The following SERPINB1 variants were observed in gnomAD, a reference collection of about 807,000 sequenced individuals.
The protein encoded by SERPINB1 is leukocyte elastase inhibitor.
SERPINB1 carries 23 observed loss-of-function variants against 25.9 expected under a neutral mutation model. The ratio of observed to expected loss-of-function variants is 0.89; its 90% CI spans 0.64 to 1.26. SERPINB1 has a LOEUF of 1.26. Ranked by LOEUF, SERPINB1 falls within the 50% of genes most tolerant of loss-of-function variation. SERPINB1 has a pLI of 0.00. For missense variants in SERPINB1, 399 were observed against 463.6 expected, an observed-to-expected ratio of 0.86 and a Z score of 1.28; for synonymous variants, 178 against 178.7, an observed-to-expected ratio of 1.00 and a Z score of 0.03.
At position 2,837,788 on chromosome 6, in the gene SERPINB1, G is replaced by A. The variant is rs1169788506; in HGVS notation, c.424+94C>T. On this transcript the variant is annotated intron_variant, in intron 4 of 6. Transcript: ENST00000380739. This position sits in a 1 kb window ranked among gnomAD's most constrained non-coding sequence, Gnocchi z 4.3. ...CACGATGTGCGCCAGGACTGTGGGA[G>A]CTGGGGAGGGAATAACTGCAGGTAG... is the stretch of plus-strand genomic sequence containing the variant. 2 of 908,664 alleles carry A rather than the reference G, an allele frequency of 2.2e-6. No individual in the cohort carries two copies. The highest frequency in any genetic ancestry group is 2.2e-4 in the Middle Eastern group (1 of 4,530). 56.3% of individuals were successfully genotyped at this position (908,664 alleles called of 1,614,324 possible). A position where few individuals can be genotyped will look rare whatever the true frequency, so the allele number is the denominator to read the frequency against.
chr6:2,834,102 A>T, intron 6 of SERPINB1, 90 bp from the exon 7 acceptor site: 1 of 1,193,948 alleles, frequency 8.4e-7, no homozygotes, highest in Non-Finnish European at 1.2e-6. Flanking sequence ...GACCCATAAT[A>T]TCAGTTGCTA....
chr6:2,840,685 C>T (rs1766622810), intron 1 of SERPINB1, 91 bp from the exon 2 acceptor site: 1 of 1,286,992 alleles, frequency 7.8e-7, no homozygotes, highest in African/African-American at 1.5e-5. Context: ...TCAATTTCTG[C>T]CAACCGCCCT....
intron 3 of SERPINB1, among the ~76,000 whole-genome samples, chr6:2,838,297 A>T (rs1766552169): frequency 6.6e-6 from 1 of 152,204 alleles, no homozygotes; most frequent in African/African-American, 2.4e-5. Context: ...ACAAACACTG[A>T]TTGTACTCTT....
intron 2 of SERPINB1, 53 bp from the exon 3 acceptor site, chr6:2,838,739 T>G: frequency 7.2e-7 from 1 of 1,385,250 alleles, no homozygotes; most frequent in South Asian, 1.5e-5. Context: ...AACTATAAAG[T>G]GATTCCTTGG....
intron 4 of SERPINB1, 33 bp from the exon 5 acceptor site, chr6:2,836,283 C>T: frequency 6.4e-7 from 1 of 1,570,562 alleles, no homozygotes; most frequent in Non-Finnish European, 8.6e-7. Flanking sequence ...TAAAAAAAAT[C>T]CAAATCGGAA....
rs1561939432 is a variant in SERPINB1 at position 2,841,855 on chromosome 6, G to GAGGTC, written c.-57_-53dup. On this transcript the variant is annotated 5_prime_UTR_variant, in exon 1 of 7. Transcript: ENST00000380739. The surrounding 1 kb of genome is among the most constrained non-coding windows in gnomAD (Gnocchi z 4.5). Reference sequence around the variant, plus strand: ...ACGCTCCGGGCTCCGAGCTGGGTGCGAGGTCAGGAAGGAGGCACCGAGGGC... The same window carrying GAGGTC: ...ACGCTCCGGGCTCCGAGCTGGGTGCGAGGTCAGGTCAGGAAGGAGGCACCGAGGGC... The GAGGTC allele has an allele frequency of 6.6e-6, 1 of 152,228 alleles. No homozygotes were observed. Among genetic ancestry groups the GAGGTC allele is most frequent in the Non-Finnish European group, 1.5e-5 (1 of 68,062 alleles). 9.4% of individuals were successfully genotyped at this position (152,228 alleles called of 1,614,324 possible).
Position 2,835,868 on chromosome 6 carries a change from C to T in SERPINB1, c.723G>A (p.Thr241=), listed in dbSNP as rs777703578. 1.1e-5 allele frequency: 17 copies of T among 1,613,626 alleles called. No individual in the cohort carries two copies. Among genetic ancestry groups the T allele is most frequent in the African/African-American group, 4.0e-5 (3 of 74,880 alleles). ...LLPDDIEDES[T]GLKKIEEQLT... ...CCAGGAGCCATACCTTCTTCAGGCC[C>T]GTGGACTCGTCCTCAATGTCATCCG... The change falls in exon 6 of 7, where the codon ACG becomes ACA. Residue 241 remains threonine, a synonymous_variant. Coordinates refer to ENST00000380739, the MANE Select transcript of SERPINB1 (RefSeq NM_030666.4).
intron 1 of SERPINB1, 39 bp from the exon 2 acceptor site, chr6:2,840,633 C>T: frequency 6.4e-7 from 1 of 1,552,158 alleles, no homozygotes. Context: ...GCCCACTGCC[C>T]ACGCCAGCAG....
At chr6:2,840,367 C>T in intron 2 of SERPINB1, 52 bp downstream of exon 2, 2 of 1,601,166 alleles carry the variant, frequency 1.2e-6, no homozygotes, top group Non-Finnish European at 1.7e-6. Flanking sequence ...GCAGACTGTC[C>T]ATTCGTAGGG....
intron 4 of SERPINB1, 87 bp from the exon 5 acceptor site, chr6:2,836,337 C>G: frequency 7.6e-7 from 1 of 1,310,412 alleles, no homozygotes; most frequent in Non-Finnish European, 1.0e-6. Context: ...AAATGCAATT[C>G]AAATATATAA....
At chr6:2,835,370 G>C (rs1766455234) in intron 6 of SERPINB1, among the ~76,000 whole-genome samples, 1 of 152,076 alleles carries the variant, frequency 6.6e-6, no homozygotes, top group Non-Finnish European at 1.5e-5. Flanking sequence ...ACACTATTTG[G>C]GGCTTTTCAA....
chr6:2,840,596 T>C lies in SERPINB1; in HGVS notation c.-8-2A>G. 6.2e-7 allele frequency: 1 copy of C among 1,609,198 alleles called. No homozygotes were observed. Among genetic ancestry groups the C allele is most frequent in the Non-Finnish European group, 8.5e-7 (1 of 1,177,310 alleles). ...AGCTCAGCTGCTCCATGGTGAAAACTGCAACACAGAACAGGGTCCTCATGG... is the reference window on the plus strand; with the variant it reads ...AGCTCAGCTGCTCCATGGTGAAAACCGCAACACAGAACAGGGTCCTCATGG... On this transcript the variant is annotated splice_acceptor_variant, in intron 1 of 6. Coordinates refer to ENST00000380739, the MANE Select transcript of SERPINB1 (RefSeq NM_030666.4). LOFTEE classifies it low-confidence loss of function (5UTR_SPLICE).
At chr6:2,838,827 T>C in intron 2 of SERPINB1, 141 bp from the exon 3 acceptor site, 1 of 672,156 alleles carries the variant, frequency 1.5e-6, no homozygotes, top group Non-Finnish European at 2.2e-6. Flanking sequence ...CTTTATTAAT[T>C]TGTCATTGCA....
In SERPINB1 at chr6:2,840,691, G is replaced by A. The variant is rs374550450; in HGVS notation, c.-8-97C>T. 6.0e-6 allele frequency: 7 copies of A among 1,164,558 alleles called. No individual in the cohort carries two copies. In the African/African-American group the frequency reaches 7.8e-5, roughly 13 times the overall value. 72.1% of individuals were successfully genotyped at this position (1,164,558 alleles called of 1,614,324 possible). On this transcript the variant is annotated intron_variant, in intron 1 of 6. Coordinates refer to ENST00000380739, the MANE Select transcript of SERPINB1 (RefSeq NM_030666.4). ...GAAGCTTCCTCAATTTCTGCCAACCGCCCTGAGGCATCCTGGATCTTGTAC... is the reference window on the plus strand; with the variant it reads ...GAAGCTTCCTCAATTTCTGCCAACCACCCTGAGGCATCCTGGATCTTGTAC...
At chr6:2,834,046 T>C in intron 6 of SERPINB1, 34 bp from the exon 7 acceptor site, 1 of 1,537,436 alleles carries the variant, frequency 6.5e-7, no homozygotes, top group African/African-American at 1.4e-5. Flanking sequence ...GAGGAAGTGA[T>C]ATCAATTTTA....
intron 2 of SERPINB1, chr6:2,839,289 A>G: frequency 1.0e-6 from 1 of 984,432 alleles, no homozygotes; most frequent in Non-Finnish European, 1.2e-6. Context: ...TATGATTAAG[A>G]CACAAAGAAC....
chr6:2,837,060 C>A lies in SERPINB1; in HGVS notation c.425-810G>T, dbSNP rs1451321501. On this transcript the variant is annotated intron_variant, in intron 4 of 6. Coordinates refer to ENST00000380739, the MANE Select transcript of SERPINB1 (RefSeq NM_030666.4). The surrounding 1 kb of genome is among the most constrained non-coding windows in gnomAD (Gnocchi z 4.3). ...ATTGCACCCTAAAAGCAAGTCAGTCCCCACCTACCACAACTTTTTTACTGG... is the reference window on the plus strand; with the variant it reads ...ATTGCACCCTAAAAGCAAGTCAGTCACCACCTACCACAACTTTTTTACTGG... Among the ~76,000 whole-genome samples, 1 of 152,008 alleles carries A rather than the reference C, an allele frequency of 6.6e-6. No individual in the cohort carries two copies. Among genetic ancestry groups the A allele is most frequent in the Non-Finnish European group, 1.5e-5 (1 of 67,994 alleles).
intron 4 of SERPINB1, 92 bp from the exon 5 acceptor site, chr6:2,836,342 A>T: frequency 7.8e-7 from 1 of 1,279,876 alleles, no homozygotes; most frequent in Admixed American, 2.6e-5. Context: ...CAATTCAAAT[A>T]TATAATTTCT....
At chr6:2,835,792 C>A in intron 6 of SERPINB1, 64 bp downstream of exon 6, 1 of 1,539,310 alleles carries the variant, frequency 6.5e-7, no homozygotes, top group South Asian at 1.2e-5. Flanking sequence ...TTAACAAGCA[C>A]CTACCTACCA....
Sources: gnomAD v4.1 joint callset for allele counts (sites outside exome capture counted in the v4.1 genomes callset) on GRCh38, gnomAD v4.1.1 for gene constraint, Gnocchi (gnomAD v3.1) non-coding constraint, MANE v1.5 for transcripts, NCBI Gene and HGNC (gene_info 2026-07-23, HGNC 2026-07-21) for gene names.